The following HMGCLL1 variants were observed in gnomAD, a reference collection of about 807,000 sequenced individuals.
HMGCLL1 encodes the protein 3-hydroxymethyl-3-methylglutaryl-CoA lyase, cytoplasmic.
A neutral mutation model predicts 39.1 loss-of-function variants in HMGCLL1; 36 were observed. The ratio of observed to expected loss-of-function variants is 0.92; its 90% CI spans 0.71 to 1.22. HMGCLL1 has a LOEUF of 1.22. HMGCLL1 is among the 50% of genes most tolerant of loss of function. HMGCLL1 has a pLI of 0.00. For missense variants in HMGCLL1, 451 were observed against 416.5 expected (o/e 1.08, Z -0.72); for synonymous variants, 149 against 144.0 (o/e 1.03, Z -0.25).
At chr6:55,492,974 C>T (rs912097318) in intron 7 of HMGCLL1, among the ~76,000 whole-genome samples, 5 of 151,920 alleles carry the variant, frequency 3.3e-5, no homozygotes, top group Admixed American at 1.3e-4. Flanking sequence ...CACACACACA[C>T]GTGCACAGAA....
At chr6:55,523,053 C>T (rs763890272) in intron 3 of HMGCLL1, among the ~76,000 whole-genome samples, 1 of 151,916 alleles carries the variant, frequency 6.6e-6, no homozygotes, top group Non-Finnish European at 1.5e-5. Context: ...GATCTTGTAA[C>T]CTAAATATAG....
chr6:55,649,398 A>G, the HMGCLL1 span, among the ~76,000 whole-genome samples: 29 of 146,006 alleles, frequency 2.0e-4, no homozygotes, highest in African/African-American at 6.6e-4. Flanking sequence ...TCCTTTCTCC[A>G]CTTTAAATAT....
chr6:55,562,263 T>C (rs1338060048), intron 1 of HMGCLL1, among the ~76,000 whole-genome samples: 6 of 152,178 alleles, frequency 3.9e-5, no homozygotes, highest in Non-Finnish European at 7.3e-5. Flanking sequence ...TGATAAACAT[T>C]ACATACTATT....
chr6:55,437,294 C>G (rs1263810944), intron 8 of HMGCLL1, among the ~76,000 whole-genome samples: 1 of 151,846 alleles, frequency 6.6e-6, no homozygotes, highest in Non-Finnish European at 1.5e-5. Flanking sequence ...GTGGTTTCTG[C>G]CTTCAAGTTC....
the HMGCLL1 span, among the ~76,000 whole-genome samples, chr6:55,600,221 G>C: frequency 1.3e-4 from 20 of 152,126 alleles, no homozygotes; most frequent in Non-Finnish European, 2.2e-4. Flanking sequence ...AATCCATTAA[G>C]TGAAGTCTAG....
At chr6:55,454,254 G>C (rs1417619968) in intron 7 of HMGCLL1, among the ~76,000 whole-genome samples, 2 of 152,096 alleles carry the variant, frequency 1.3e-5, no homozygotes, top group Non-Finnish European at 2.9e-5. Context: ...CCCATATGCT[G>C]AGTACCAGGG....
intron 3 of HMGCLL1, among the ~76,000 whole-genome samples, chr6:55,537,432 A>C (rs1485843551): frequency 2.0e-5 from 3 of 152,226 alleles, no homozygotes; most frequent in African/African-American, 4.8e-5. Context: ...ATCTTCAATT[A>C]TTCAACTTGA....
rs114242395 is a variant in HMGCLL1, at chr6:55,525,735, T to C, written c.298-9132A>G. ...TGTATTGGCCCCAATGAACCAAAAA[T>C]CTCTGAGACTGTAAACTGGAAATCT... On this transcript the variant is annotated intron_variant, in intron 3 of 8. Coordinates refer to ENST00000274901, the MANE Select transcript of HMGCLL1 (RefSeq NM_001042406.2). 2.5e-3 allele frequency among the ~76,000 whole-genome samples: 386 copies of C among 152,028 alleles called. 1 individual carries two copies. The highest frequency in any genetic ancestry group is 9.0e-3 in the African/African-American group (374 of 41,512).
chr6:55,528,854 C>CA (rs1270854620), intron 3 of HMGCLL1, among the ~76,000 whole-genome samples: 1 of 151,722 alleles, frequency 6.6e-6, no homozygotes, highest in Admixed American at 6.6e-5. Context: ...CAAGAGTGAC[C>CA]AAAACAGGAA....
intron 7 of HMGCLL1, among the ~76,000 whole-genome samples, chr6:55,491,686 T>G (rs1766318414): frequency 6.6e-6 from 1 of 152,062 alleles, no homozygotes; most frequent in Non-Finnish European, 1.5e-5. Context: ...GGCAGAAGGG[T>G]GAAGCTAAAT....
chr6:55,469,259 G>T (rs1473174112), intron 7 of HMGCLL1, among the ~76,000 whole-genome samples: 1 of 150,718 alleles, frequency 6.6e-6, no homozygotes, highest in Middle Eastern at 3.4e-3. Flanking sequence ...TTTAAGAAAA[G>T]CCCATAACAT....
rs770760384 is a variant in HMGCLL1 at position 55,578,996 on chromosome 6, C to T, written c.60G>A (p.Glu20=). Residue 20 remains glutamate, a synonymous_variant, in exon 1 of 9, where the codon GAG becomes GAA. Transcript: ENST00000274901. The part of the protein sequence containing the change: ...HCLSYQQLLR[E]HLWIGDSVAG... ...CCACTGAATCCCCGATCCAGAGATG[C>T]TCCCGGAGAAGCTGCTGGTAGCTGA... is the stretch of plus-strand genomic sequence containing the variant. The T allele has an allele frequency of 1.9e-6, 3 of 1,613,792 alleles. No individual in the cohort carries two copies. The highest frequency in any genetic ancestry group is 2.2e-5 in the South Asian group (2 of 90,968).
chr6:55,646,564 C>G, the HMGCLL1 span, among the ~76,000 whole-genome samples: 1 of 151,754 alleles, frequency 6.6e-6, no homozygotes, highest in East Asian at 1.9e-4. Context: ...TGCTTTTGCT[C>G]CATCCCATAG....
At chr6:55,581,924 A>G (rs780269885), upstream of HMGCLL1, among the ~76,000 whole-genome samples, 29 of 152,122 alleles carry the variant, frequency 1.9e-4, no homozygotes, top group Non-Finnish European at 3.5e-4. Flanking sequence ...ACTATGTACA[A>G]AAGCATTCAA....
the HMGCLL1 span, among the ~76,000 whole-genome samples, chr6:55,586,473 C>A: frequency 6.6e-6 from 1 of 151,692 alleles, no homozygotes; most frequent in Non-Finnish European, 1.5e-5. Context: ...TATATATGTG[C>A]CATGTCGGTG....
upstream of HMGCLL1, among the ~76,000 whole-genome samples, chr6:55,580,491 C>T (rs1363732624): frequency 1.5e-5 from 2 of 131,672 alleles, no homozygotes; most frequent in African/African-American, 2.9e-5. Flanking sequence ...TGTCGGCTCA[C>T]TGAAAGCTTC....
the HMGCLL1 span, among the ~76,000 whole-genome samples, chr6:55,656,296 A>G: frequency 6.6e-6 from 1 of 151,910 alleles, no homozygotes; most frequent in Admixed American, 6.6e-5. Context: ...GAATTTATGG[A>G]TTATGGTGAA....
chr6:55,462,723 C>G (rs1201201802), intron 7 of HMGCLL1, among the ~76,000 whole-genome samples: 1 of 152,110 alleles, frequency 6.6e-6, no homozygotes, highest in Non-Finnish European at 1.5e-5. Flanking sequence ...ATTTTGAACA[C>G]CACTTACTAT....
intron 1 of HMGCLL1, among the ~76,000 whole-genome samples, chr6:55,563,293 T>A (rs1363190391): frequency 6.6e-6 from 1 of 152,032 alleles, no homozygotes; most frequent in East Asian, 1.9e-4. Context: ...GTGGGAGGAA[T>A]TAAAGCCAAA....
Sources: allele counts gnomAD v4.1 joint callset (sites outside exome capture counted in the v4.1 genomes callset), GRCh38; gene constraint gnomAD v4.1.1; transcripts MANE v1.5; gene names NCBI Gene and HGNC (gene_info 2026-07-23, HGNC 2026-07-21).